The following RTL4 variants were observed in gnomAD, a reference collection of about 807,000 sequenced individuals.
RTL4 encodes the protein retrotransposon Gag-like protein 4.
RTL4 carries 4 observed loss-of-function variants against 5.3 expected under a neutral mutation model. The observed-to-expected ratio is 0.75, with a 90% CI of 0.37 to 1.72. The LOEUF is 1.72. Ranked by LOEUF, RTL4 falls within the 40% of genes most tolerant of loss-of-function variation. The probability of loss-of-function intolerance (pLI) is 0.04; values close to 1 mark genes in which losing one functional copy is unlikely to be tolerated. For synonymous variants in RTL4, 98 were observed against 87.3 expected (o/e 1.12, Z -0.68); for missense variants, 260 against 227.1 (o/e 1.14, Z -0.93).
the RTL4 span, among the ~76,000 whole-genome samples, chrX:112,201,150 G>A: frequency 1.8e-5 from 2 of 110,966 alleles, no homozygotes; most frequent in East Asian, 2.9e-4. Context: ...AGTGCTGAGC[G>A]AAGGGAGAAG....
chrX:112,454,161 T>C (rs1056547803), upstream of RTL4, among the ~76,000 whole-genome samples: 8 of 111,968 alleles, frequency 7.1e-5, no homozygotes, highest in Admixed American at 5.7e-4. Context: ...ATGGGCCACA[T>C]TGGAAGAAGA....
chrX:112,454,834 A>G, exon 1 of RTL4: 1 of 1,210,942 alleles, frequency 8.3e-7, no homozygotes, highest in African/African-American at 1.7e-5. Context: ...AACCACGGAG[A>G]ACACTGCTAA....
At chrX:112,127,736 C>G in the RTL4 span, among the ~76,000 whole-genome samples, 1 of 111,759 alleles carries the variant, frequency 8.9e-6, no homozygotes, top group Non-Finnish European at 1.9e-5. Context: ...TTTCAGAGCA[C>G]AAAATCAATA....
At chrX:112,305,276 C>G in the RTL4 span, among the ~76,000 whole-genome samples, 1 of 109,347 alleles carries the variant, frequency 9.1e-6, no homozygotes, top group African/African-American at 3.3e-5. Context: ...CCTGCCTCAG[C>G]CTCCTGAGTA....
the RTL4 span, among the ~76,000 whole-genome samples, chrX:112,120,824 T>C: frequency 4.5e-5 from 5 of 111,923 alleles, no homozygotes; most frequent in Non-Finnish European, 7.5e-5. Flanking sequence ...GTGAAAATTA[T>C]GTATGTGCAT....
the RTL4 span, among the ~76,000 whole-genome samples, chrX:112,291,368 A>G: frequency 4.3e-5 from 1 of 23,414 alleles, no homozygotes; most frequent in Non-Finnish European, 7.0e-5. Context: ...GTATGTTTGT[A>G]CACACACACA....
chrX:112,106,679 T>C, the RTL4 span, among the ~76,000 whole-genome samples: 1 of 111,838 alleles, frequency 8.9e-6, no homozygotes, highest in African/African-American at 3.2e-5. Context: ...ATCCATTTGT[T>C]ATTTTTTGTT....
chrX:112,169,168 G>A, the RTL4 span, among the ~76,000 whole-genome samples: 7 of 104,732 alleles, frequency 6.7e-5, no homozygotes, highest in Non-Finnish European at 1.4e-4. Flanking sequence ...GCTGGAGTGT[G>A]CAATGGTGCG....
chrX:112,177,912 T>C, the RTL4 span, among the ~76,000 whole-genome samples: 2 of 108,944 alleles, frequency 1.8e-5, no homozygotes, highest in African/African-American at 6.7e-5. Flanking sequence ...AACACAGCCA[T>C]AGACAACACA....
chrX:112,417,238 G>A, the RTL4 span, among the ~76,000 whole-genome samples: 3 of 111,771 alleles, frequency 2.7e-5, no homozygotes, highest in East Asian at 5.7e-4. Flanking sequence ...AGATGGACCA[G>A]TATGAAGAGA....
At chrX:112,239,108 C>T in the RTL4 span, among the ~76,000 whole-genome samples, 2 of 111,505 alleles carry the variant, frequency 1.8e-5, no homozygotes, top group Non-Finnish European at 3.8e-5. Context: ...TGATCTTCTA[C>T]TCTTCCATTC....
the RTL4 span, among the ~76,000 whole-genome samples, chrX:112,236,458 GATCTATATCTAT>G: frequency 2.5e-4 from 19 of 77,170 alleles, no homozygotes; most frequent in Non-Finnish European, 4.0e-4. Context: ...TATAGATATA[GATCTATATCTAT>G]ATATAGATAT....
the RTL4 span, among the ~76,000 whole-genome samples, chrX:112,215,806 C>G: frequency 9.0e-6 from 1 of 111,690 alleles, no homozygotes; most frequent in Non-Finnish European, 1.9e-5. Context: ...TTTGGTATAT[C>G]TCCAGAAGTG....
chrX:112,386,445 G>T, the RTL4 span, among the ~76,000 whole-genome samples: 3 of 110,528 alleles, frequency 2.7e-5, no homozygotes, highest in Non-Finnish European at 5.7e-5. Flanking sequence ...AGATTTTGGT[G>T]CACCCATCAC....
chrX:112,256,568 C>T, the RTL4 span, among the ~76,000 whole-genome samples: 1 of 111,566 alleles, frequency 9.0e-6, no homozygotes, highest in East Asian at 2.8e-4. Context: ...ACATTTTGTT[C>T]GAATTGTATT....
chrX:112,083,695 C>A, the RTL4 span, among the ~76,000 whole-genome samples: 1 of 111,592 alleles, frequency 9.0e-6, no homozygotes, highest in African/African-American at 3.3e-5. Flanking sequence ...TCACCGGACA[C>A]TTGGGCCACT....
the RTL4 span, among the ~76,000 whole-genome samples, chrX:112,336,763 A>G: frequency 2.7e-5 from 3 of 112,116 alleles, no homozygotes; most frequent in Non-Finnish European, 5.6e-5. Flanking sequence ...ATTCTATTGA[A>G]TAGCACTACT....
At chrX:112,393,147 C>CTTTTT in the RTL4 span, among the ~76,000 whole-genome samples, 4 of 81,469 alleles carry the variant, frequency 4.9e-5, no homozygotes, top group Admixed American at 1.3e-4. Flanking sequence ...TTCTTTCTTT[C>CTTTTT]TTTTTTTTTT....
the RTL4 span, among the ~76,000 whole-genome samples, chrX:112,415,975 C>T: frequency 1.8e-5 from 2 of 111,864 alleles, no homozygotes; most frequent in Non-Finnish European, 3.8e-5. Flanking sequence ...TATTGTCTTA[C>T]AGTTCTGGAG....
Sources: gnomAD v4.1 joint callset for allele counts (sites outside exome capture counted in the v4.1 genomes callset) on GRCh38, gnomAD v4.1.1 for gene constraint, MANE v1.5 for transcripts, NCBI Gene and HGNC (gene_info 2026-07-23, HGNC 2026-07-21) for gene names.